Variants in ZNF718 observed in about 807,000 individuals in gnomAD.
ZNF718 encodes zinc finger protein 718.
In ZNF718, 3 loss-of-function variants were observed where a neutral mutation model predicts 2.6. That is an observed-to-expected ratio of 1.16 (90% CI 0.53 to 3.01). ZNF718 has a LOEUF of 3.01. Among genes scored for constraint, ZNF718 ranks in the 30% most tolerant of loss-of-function variants. The pLI is 0.03. For missense variants in ZNF718, 468 were observed against 230.0 expected (o/e 2.03, Z -6.69); for synonymous variants, 135 against 77.9 (o/e 1.73, Z -3.86).
intron 3 of ZNF718, among the ~76,000 whole-genome samples, chr4:133,900 A>G (rs1478947545): frequency 6.6e-6 from 1 of 152,252 alleles, no homozygotes; most frequent in African/African-American, 2.4e-5. Context: ...TACCTCAGGT[A>G]GATAACCAGT....
At chr4:137,234 C>G (rs1715608312) in intron 3 of ZNF718, among the ~76,000 whole-genome samples, 1 of 151,788 alleles carries the variant, frequency 6.6e-6, no homozygotes, top group East Asian at 1.9e-4. Context: ...CCAATTAAAC[C>G]TTTTTCTAAA....
chr4:190,649 A>T (rs1484962814), intron 3 of ZNF718, among the ~76,000 whole-genome samples: 1 of 152,202 alleles, frequency 6.6e-6, no homozygotes, highest in Non-Finnish European at 1.5e-5. Context: ...GGAACCTAGA[A>T]TACTGAGCAG....
intron 3 of ZNF718, among the ~76,000 whole-genome samples, chr4:187,707 A>C (rs1467868710): frequency 6.6e-6 from 1 of 152,050 alleles, no homozygotes; most frequent in South Asian, 2.1e-4. Context: ...GTCTCACCCA[A>C]TCAGGGGAAA....
chr4:148,610 CAAAAAAAAAAA>C (rs33957522), intron 3 of ZNF718, among the ~76,000 whole-genome samples: 1 of 74,510 alleles, frequency 1.3e-5, no homozygotes, highest in Non-Finnish European at 2.8e-5. Flanking sequence ...GACTCTGTCT[CAAAAAAAAAAA>C]AAAAAAAAAA....
intron 3 of ZNF718, among the ~76,000 whole-genome samples, chr4:156,434 A>G (rs1716570053): frequency 6.6e-6 from 1 of 152,196 alleles, no homozygotes; most frequent in Non-Finnish European, 1.5e-5. Flanking sequence ...TGATTAGAAG[A>G]TAATTTCAAA....
At chr4:172,367 A>G (rs1359795519) in intron 3 of ZNF718, among the ~76,000 whole-genome samples, 1 of 152,222 alleles carries the variant, frequency 6.6e-6, no homozygotes, top group Non-Finnish European at 1.5e-5. Flanking sequence ...ATATATAGTC[A>G]TCTATTGGTT....
In ZNF718 at chr4:161,954, C is replaced by T. The variant is rs1553815495; in HGVS notation, c.1269C>T (p.Tyr423=). Residue 423 remains tyrosine, a synonymous_variant, in exon 4 of 4, where the codon TAC becomes TAT. Transcript: ENST00000510175. ...HKKIHTGEKP[Y]ICKQCGKAFK... Reference sequence around the variant, plus strand: ...AAATTCATACTGGAGAGAAACCCTACATATGTAAACAATGTGGCAAAGCCT... The same window carrying T: ...AAATTCATACTGGAGAGAAACCCTATATATGTAAACAATGTGGCAAAGCCT... 3.8e-6 allele frequency: 3 copies of T among 779,726 alleles called. No individual in the cohort carries two copies. The highest frequency in any genetic ancestry group is 2.4e-5 in the East Asian group (1 of 41,224). 48.3% of individuals were successfully genotyped at this position (779,726 alleles called of 1,614,324 possible). A position where few individuals can be genotyped will look rare whatever the true frequency, so the allele number is the denominator to read the frequency against.
intron 1 of ZNF718, 92 bp downstream of exon 1, chr4:124,765 T>A (rs1715116768): frequency 1.9e-6 from 3 of 1,539,676 alleles, no homozygotes; most frequent in Non-Finnish European, 2.6e-6. Flanking sequence ...GTGAATGGAG[T>A]TCCCGCTCAG....
At chr4:200,929 T>C (rs1263704165) in intron 3 of ZNF718, among the ~76,000 whole-genome samples, 3 of 152,204 alleles carry the variant, frequency 2.0e-5, no homozygotes, top group Non-Finnish European at 4.4e-5. Flanking sequence ...GTGCTCTTAA[T>C]TGGATATACA....
intron 3 of ZNF718, among the ~76,000 whole-genome samples, chr4:172,394 G>A (rs1717257396): frequency 1.3e-5 from 2 of 152,052 alleles, no homozygotes. Flanking sequence ...CTCATGTAAT[G>A]AAAATACATT....
chr4:153,479 C>T (rs974631541), intron 3 of ZNF718, among the ~76,000 whole-genome samples: 4 of 152,084 alleles, frequency 2.6e-5, no homozygotes, highest in African/African-American at 7.2e-5. Context: ...ATAGAGATTG[C>T]ATTGAATCTG....
chr4:161,378 A>C lies in ZNF718; in HGVS notation c.693A>C (p.Glu231Asp), dbSNP rs1553815081. The change falls in exon 4 of 4, where the codon GAA becomes GAC. Residue 231 changes from glutamate to aspartate, a missense_variant. Coordinates refer to ENST00000510175, the MANE Select transcript of ZNF718 (RefSeq NM_001039127.6). ...GAGAGAAATTCTACAAGTGTGAAGA[A>C]TGTGGTAAAGGCTTTACTCGGTCCT... ...HAREKFYKCEECGKGFTRSSH... is the reference protein window; with the variant it reads ...HAREKFYKCEDCGKGFTRSSH... The C allele has an allele frequency of 2.6e-6, 2 of 779,292 alleles. No individual in the cohort carries two copies. Among genetic ancestry groups the C allele is most frequent in the Admixed American group, 1.7e-5 (1 of 58,652 alleles). The allele number at this position is 779,292 out of a possible 1,614,324, so 48.3% of individuals were successfully genotyped here.
At chr4:145,629 T>G (rs1716016815) in intron 3 of ZNF718, among the ~76,000 whole-genome samples, 1 of 152,098 alleles carries the variant, frequency 6.6e-6, no homozygotes, top group African/African-American at 2.4e-5. Flanking sequence ...TACTTTTTTT[T>G]GTACTTTATA....
chr4:190,115 C>CTAA (rs1553820940), intron 3 of ZNF718, among the ~76,000 whole-genome samples: 5 of 152,010 alleles, frequency 3.3e-5, no homozygotes, highest in Non-Finnish European at 7.4e-5. Context: ...GTACTCCTGG[C>CTAA]TAATAGATAA....
chr4:181,794 A>C (rs1278240596), intron 3 of ZNF718, among the ~76,000 whole-genome samples: 2 of 152,030 alleles, frequency 1.3e-5, no homozygotes, highest in African/African-American at 4.8e-5. Flanking sequence ...TCTGCTAGCT[A>C]TTCTTCCTGA....
At chr4:164,909 T>G (rs1717053573), downstream of ZNF718, among the ~76,000 whole-genome samples, 1 of 152,180 alleles carries the variant, frequency 6.6e-6, no homozygotes, top group Non-Finnish European at 1.5e-5. Context: ...AATATTTTTC[T>G]GGAGTTTATT....
chr4:165,470 A>G (rs559530241), downstream of ZNF718, among the ~76,000 whole-genome samples: 8 of 152,308 alleles, frequency 5.3e-5, no homozygotes, highest in East Asian at 1.3e-3. Context: ...AAACTCATCC[A>G]AATTTTGAAA....
intron 3 of ZNF718, among the ~76,000 whole-genome samples, chr4:191,699 C>T (rs782025818): frequency 6.6e-6 from 1 of 152,110 alleles, no homozygotes; most frequent in Non-Finnish European, 1.5e-5. Context: ...CCAGCAATAC[C>T]TTCATCAAAA....
chr4:169,435 A>G (rs1312967411), intron 3 of ZNF718, among the ~76,000 whole-genome samples: 3 of 152,090 alleles, frequency 2.0e-5, no homozygotes, highest in Non-Finnish European at 2.9e-5. Context: ...TGATCTGTCT[A>G]ATATTGACAG....
Sources: gnomAD v4.1 joint callset for allele counts (sites outside exome capture counted in the v4.1 genomes callset) on GRCh38, gnomAD v4.1.1 for gene constraint, MANE v1.5 for transcripts, NCBI Gene and HGNC (gene_info 2026-07-23, HGNC 2026-07-21) for gene names.